The following CADM1 variants were observed in gnomAD, a reference collection of about 807,000 sequenced individuals.
CADM1 encodes TSLC-1.
In CADM1, 15 loss-of-function variants were observed where a neutral mutation model predicts 53.1. The observed-to-expected ratio is 0.28, with a 90% CI of 0.19 to 0.44. The LOEUF is 0.44. CADM1 is among the 20% of genes least tolerant of loss of function. The pLI, the probability that CADM1 is intolerant of heterozygous loss-of-function variation, is 1.00. For missense variants in CADM1, 434 were observed against 611.3 expected (o/e 0.71, Z 3.06); for synonymous variants, 281 against 243.0 (o/e 1.16, Z -1.45).
At chr11:115,342,630 T>C (rs1294056214) in intron 1 of CADM1, among the ~76,000 whole-genome samples, 1 of 152,164 alleles carries the variant, frequency 6.6e-6, no homozygotes, top group Non-Finnish European at 1.5e-5. Flanking sequence ...ATATCTAATT[T>C]TTTCATCTCT....
chr11:115,491,394 T>C (rs969554610), intron 1 of CADM1, among the ~76,000 whole-genome samples: 1 of 151,842 alleles, frequency 6.6e-6, no homozygotes, highest in Non-Finnish European at 1.5e-5. Context: ...TGAAACCCCA[T>C]CTCTACTAAA....
At chr11:115,268,348 A>G (rs1261037116) in intron 1 of CADM1, among the ~76,000 whole-genome samples, 1 of 152,230 alleles carries the variant, frequency 6.6e-6, no homozygotes, top group Non-Finnish European at 1.5e-5. Flanking sequence ...TGTGAGGTGG[A>G]AAGGTTGCTG....
At position 115,240,363 on chromosome 11, in the gene CADM1, G is replaced by A; in HGVS notation, c.182C>T (p.Thr61Ile). Residue 61 changes from threonine to isoleucine, a missense_variant, in exon 2 of 12, where the codon ACC becomes ATC. This residue lies in a region of CADM1 where 31 missense variants were observed against 74.6 expected (regional missense o/e 0.42). Transcript: ENST00000331581. ...ACTCTTATTGACTTGGCAACTGATG[G>A]TCGCAACCTCTCCCTCGATCACTGT... is the stretch of plus-strand genomic sequence containing the variant. ...DVTVIEGEVA[T>I]ISCQVNKSDD... 1 of 1,613,732 alleles carries A rather than the reference G, an allele frequency of 6.2e-7. No individual in the cohort carries two copies. The highest frequency in any genetic ancestry group is 8.5e-7 in the Non-Finnish European group (1 of 1,179,830).
At chr11:115,424,838 T>C (rs1303755207) in intron 1 of CADM1, among the ~76,000 whole-genome samples, 1 of 152,142 alleles carries the variant, frequency 6.6e-6, no homozygotes, top group Non-Finnish European at 1.5e-5. Flanking sequence ...AAAACACACT[T>C]TTCTATATAT....
intron 1 of CADM1, among the ~76,000 whole-genome samples, chr11:115,492,754 GGAGA>G (rs1202522791): frequency 6.6e-6 from 1 of 152,048 alleles, no homozygotes; most frequent in Admixed American, 6.5e-5. Flanking sequence ...AATGGGAGAT[GGAGA>G]GAAAGTACCC....
At chr11:115,231,694 A>G (rs1941819738) in intron 3 of CADM1, among the ~76,000 whole-genome samples, 1 of 152,230 alleles carries the variant, frequency 6.6e-6, no homozygotes, top group African/African-American at 2.4e-5. Context: ...ATGTTATAAA[A>G]TAACCAGTGT....
At position 115,173,754 on chromosome 11, in the gene CADM1, T is replaced by C; in HGVS notation, c.*2720A>G. 1 of 974,648 alleles carries C rather than the reference T, an allele frequency of 1.0e-6. No individual in the cohort carries two copies. The highest frequency in any genetic ancestry group is 4.8e-5 in the South Asian group (1 of 21,026). 60.4% of individuals were successfully genotyped at this position (974,648 alleles called of 1,614,324 possible). Reference sequence around the variant, plus strand: ...AAATGCGAATGGGAACATATGGATATGGAGTTTCTTACACTGTAACATTGT... The same window carrying C: ...AAATGCGAATGGGAACATATGGATACGGAGTTTCTTACACTGTAACATTGT... On this transcript the variant is annotated 3_prime_UTR_variant, in exon 12 of 12. Coordinates refer to ENST00000331581, the MANE Select transcript of CADM1 (RefSeq NM_001301043.2).
chr11:115,502,213 T>C (rs1020870404), intron 1 of CADM1, among the ~76,000 whole-genome samples: 2 of 152,054 alleles, frequency 1.3e-5, no homozygotes, highest in East Asian at 3.9e-4. Context: ...CAATGAGCAG[T>C]CTTGACAGGG....
At chr11:115,461,786 G>C (rs980922446) in intron 1 of CADM1, among the ~76,000 whole-genome samples, 11 of 152,100 alleles carry the variant, frequency 7.2e-5, no homozygotes, top group Admixed American at 4.6e-4. Flanking sequence ...ATAGTTGGAG[G>C]TAAGCTCTTT....
chr11:115,480,571 A>T (rs1215778947), intron 1 of CADM1, among the ~76,000 whole-genome samples: 2 of 152,134 alleles, frequency 1.3e-5, no homozygotes, highest in African/African-American at 4.8e-5. Context: ...GACATCTCAG[A>T]CTGGTCTCTG....
intron 1 of CADM1, among the ~76,000 whole-genome samples, chr11:115,247,849 T>C (rs556858266): frequency 2.1e-4 from 32 of 152,316 alleles, no homozygotes; most frequent in African/African-American, 6.7e-4. Context: ...ACCTAGTGAA[T>C]AGATTTTTGA....
chr11:115,399,867 C>G (rs554486569), intron 1 of CADM1, among the ~76,000 whole-genome samples: 66 of 152,290 alleles, frequency 4.3e-4, no homozygotes, highest in African/African-American at 1.5e-3. Context: ...CTGCGGTCTA[C>G]CCACTGACCT....
chr11:115,496,194 T>C (rs1483096739), intron 1 of CADM1, among the ~76,000 whole-genome samples: 2 of 152,164 alleles, frequency 1.3e-5, no homozygotes, highest in Non-Finnish European at 2.9e-5. Flanking sequence ...AACATAATCA[T>C]GTATAAACCT....
At chr11:115,351,789 C>G (rs1945744323) in intron 1 of CADM1, among the ~76,000 whole-genome samples, 1 of 152,138 alleles carries the variant, frequency 6.6e-6, no homozygotes, top group Non-Finnish European at 1.5e-5. Flanking sequence ...GGCATAGGAG[C>G]CCCTCTGCAG....
chr11:115,271,305 CAGA>C (rs1474474613), intron 1 of CADM1, among the ~76,000 whole-genome samples: 3 of 152,070 alleles, frequency 2.0e-5, no homozygotes, highest in Admixed American at 2.0e-4. Flanking sequence ...GTTTTTGAGA[CAGA>C]GTGTCACTCT....
At chr11:115,407,762 TGGGAAGCCAAGGAAGGAGGGTCACC>T (rs1439780698) in intron 1 of CADM1, among the ~76,000 whole-genome samples, 4 of 150,284 alleles carry the variant, frequency 2.7e-5, no homozygotes, top group African/African-American at 9.8e-5. Flanking sequence ...CCTAGCAACT[TGGGAAGCCAAGGAAGGAGGGTCACC>T]TGAGCCTGGG....
At chr11:115,503,424 G>GC (rs1204731052) in intron 1 of CADM1, among the ~76,000 whole-genome samples, 2 of 152,140 alleles carry the variant, frequency 1.3e-5, no homozygotes, top group Non-Finnish European at 2.9e-5. Context: ...AGGCCGCGAC[G>GC]CCCCCTCCGC....
chr11:115,198,379 G>C (rs1165853151), intron 9 of CADM1, 27 bp downstream of exon 9: 1 of 1,577,754 alleles, frequency 6.3e-7, no homozygotes, highest in East Asian at 2.2e-5. Flanking sequence ...TGCTGAGAAA[G>C]TAGATAAACA....
intron 1 of CADM1, among the ~76,000 whole-genome samples, chr11:115,463,553 T>C (rs1162278929): frequency 6.6e-6 from 1 of 152,218 alleles, no homozygotes; most frequent in African/African-American, 2.4e-5. Flanking sequence ...AATTGTATTA[T>C]AGGAAACAAT....
Sources: gnomAD v4.1 joint callset for allele counts (sites outside exome capture counted in the v4.1 genomes callset) on GRCh38, gnomAD v4.1.1 for gene constraint, gnomAD v4.1.1 regional missense constraint, MANE v1.5 for transcripts, NCBI Gene and HGNC (gene_info 2026-07-23, HGNC 2026-07-21) for gene names.